Variants in NCEH1 observed in about 807,000 individuals in gnomAD.
NCEH1 encodes 2-acetyl MAGE hydrolase.
NCEH1 carries 9 observed loss-of-function variants against 25.4 expected under a neutral mutation model. The observed-to-expected ratio is 0.35, with a 90% CI of 0.21 to 0.62. NCEH1 has a LOEUF of 0.62. Ranked by LOEUF, NCEH1 falls within the 20% of genes least tolerant of loss-of-function variation. The pLI is 0.72. For synonymous variants in NCEH1, 200 were observed against 199.8 expected (o/e 1.00, Z -0.01); for missense variants, 412 against 501.1 (o/e 0.82, Z 1.70).
intron 1 of NCEH1, among the ~76,000 whole-genome samples, chr3:172,668,215 C>T (rs1718311238): frequency 6.6e-6 from 1 of 151,972 alleles, no homozygotes; most frequent in Non-Finnish European, 1.5e-5. Flanking sequence ...TATAATACAC[C>T]AAAAGGGAAG....
At chr3:172,698,884 A>T (rs1023999788) in intron 1 of NCEH1, among the ~76,000 whole-genome samples, 3 of 152,248 alleles carry the variant, frequency 2.0e-5, no homozygotes, top group Admixed American at 2.0e-4. Context: ...ACGCGGTAAC[A>T]CAGTGATAAT....
chr3:172,663,504 C>T (rs1241716793), intron 1 of NCEH1, among the ~76,000 whole-genome samples: 1 of 152,034 alleles, frequency 6.6e-6, no homozygotes, highest in East Asian at 1.9e-4. Flanking sequence ...GAGTTCAAGT[C>T]CTGGATATTT....
intron 1 of NCEH1, among the ~76,000 whole-genome samples, chr3:172,681,910 A>C (rs1712402127): frequency 1.4e-5 from 1 of 71,960 alleles, no homozygotes; most frequent in Non-Finnish European, 3.1e-5. Context: ...GACTGTCTCA[A>C]AAAAAAAAAA....
intron 3 of NCEH1, among the ~76,000 whole-genome samples, chr3:172,644,215 C>G (rs1437202518): frequency 2.7e-5 from 4 of 149,558 alleles, no homozygotes; most frequent in African/African-American, 9.8e-5. Flanking sequence ...GACTCTAGGG[C>G]TTTTGAGTGA....
chr3:172,639,721 C>T (rs1318383991), intron 3 of NCEH1, among the ~76,000 whole-genome samples: 1 of 152,140 alleles, frequency 6.6e-6, no homozygotes, highest in Non-Finnish European at 1.5e-5. Context: ...AAGTGGATTA[C>T]CTAGCTTTAT....
intron 1 of NCEH1, among the ~76,000 whole-genome samples, chr3:172,659,187 T>C (rs1475235684): frequency 2.0e-5 from 3 of 152,050 alleles, no homozygotes; most frequent in African/African-American, 7.2e-5. Context: ...TTATAGAAGT[T>C]ATAGAGAAAG....
At chr3:172,640,162 G>C (rs1023706253) in intron 3 of NCEH1, among the ~76,000 whole-genome samples, 1 of 152,268 alleles carries the variant, frequency 6.6e-6, no homozygotes, top group South Asian at 2.1e-4. Flanking sequence ...AGATACATGC[G>C]GCATTCTGGA....
intron 1 of NCEH1, among the ~76,000 whole-genome samples, chr3:172,668,335 T>C (rs1718317744): frequency 7.3e-6 from 1 of 137,586 alleles, no homozygotes. Flanking sequence ...AGGAAACAAA[T>C]GGAAAAGGAA....
At position 172,699,192 on chromosome 3, in the gene NCEH1, C is replaced by T. The variant is rs143276973; in HGVS notation, c.138+11655G>A. Among the ~76,000 whole-genome samples the T allele has an allele frequency of 5.5e-3, 840 of 152,048 alleles. 7 individuals are homozygous for T. The highest frequency in any genetic ancestry group is 0.01 in the Middle Eastern group (3 of 294). On this transcript the variant is annotated intron_variant, in intron 1 of 4. Transcript: ENST00000475381. Reference sequence around the variant, plus strand: ...AGATGATTTCTGAGTTGGTATTGAACGATGCGTGGGATATTGCCCAAAGTA... The same window carrying T: ...AGATGATTTCTGAGTTGGTATTGAATGATGCGTGGGATATTGCCCAAAGTA...
intron 1 of NCEH1, among the ~76,000 whole-genome samples, chr3:172,675,343 G>A (rs1482651090): frequency 7.9e-6 from 1 of 126,542 alleles, no homozygotes; most frequent in African/African-American, 3.7e-5. Context: ...ATAAATAAAT[G>A]ATTTTGTGAG....
At chr3:172,677,533 T>C (rs2108517624) in intron 1 of NCEH1, among the ~76,000 whole-genome samples, 2 of 152,132 alleles carry the variant, frequency 1.3e-5, no homozygotes, top group Middle Eastern at 6.8e-3. Context: ...CACAAGGACT[T>C]GTGATAGGAA....
chr3:172,690,106 T>C (rs988342299), intron 1 of NCEH1, among the ~76,000 whole-genome samples: 1 of 152,024 alleles, frequency 6.6e-6, no homozygotes, highest in African/African-American at 2.4e-5. Context: ...GGTTTCACCA[T>C]GTTAGCCAGG....
intron 1 of NCEH1, among the ~76,000 whole-genome samples, chr3:172,694,462 C>A (rs1713250638): frequency 1.3e-5 from 2 of 151,918 alleles, no homozygotes; most frequent in African/African-American, 2.4e-5. Flanking sequence ...CCATCGGTAA[C>A]CTCCACCTTG....
Position 172,649,132 on chromosome 3 carries a change from C to T in NCEH1, c.139-1018G>A, listed in dbSNP as rs376130561. On this transcript the variant is annotated intron_variant, in intron 1 of 4. Transcript: ENST00000475381. ...ACGACGGTACACCTTGAAGAGGGTC[C>T]GTGTGTGCTCATCGCCTCAGCCTCT... 1.3e-3 allele frequency among the ~76,000 whole-genome samples: 193 copies of T among 152,224 alleles called. 4 individuals carry two copies. In the South Asian group the frequency reaches 0.038, roughly 30 times the overall value.
chr3:172,648,023 G>A lies in NCEH1; in HGVS notation c.230C>T (p.Ser77Phe). The A allele has an allele frequency of 6.2e-7, 1 of 1,614,158 alleles. No individual in the cohort carries two copies. The highest frequency in any genetic ancestry group is 8.5e-7 in the Non-Finnish European group (1 of 1,180,036). ...VSFGKKSAWS[S>F]AQVKVTDTDF... ...TGTGTCGGTCACCTTCACTTGGGCA[G>A]AAGACCACGCGCTTTTTTTGCCAAA... The change falls in exon 2 of 5, where the codon TCT (serine) becomes TTT (phenylalanine). Residue 77 changes from serine (S) to phenylalanine (F), a missense_variant. Physicochemically the swap from Ser to Phe is radical, Grantham distance 155. Around this residue, in one of 3 missense-constraint regions of NCEH1, gnomAD observed 178 missense variants for 189.2 expected, o/e 0.94. Transcript: ENST00000475381.
chr3:172,676,257 A>C (rs1007468769), intron 1 of NCEH1, among the ~76,000 whole-genome samples: 1 of 152,116 alleles, frequency 6.6e-6, no homozygotes, highest in Non-Finnish European at 1.5e-5. Flanking sequence ...TTTCTTTTCT[A>C]ACAGAAAAAC....
chr3:172,693,563 A>C (rs965519468), intron 1 of NCEH1, among the ~76,000 whole-genome samples: 1 of 152,182 alleles, frequency 6.6e-6, no homozygotes, highest in Non-Finnish European at 1.5e-5. Context: ...AAAGCACTTA[A>C]ATTCTATTAT....
chr3:172,669,787 T>C (rs374900282), intron 1 of NCEH1, among the ~76,000 whole-genome samples: 1 of 152,248 alleles, frequency 6.6e-6, no homozygotes, highest in South Asian at 2.1e-4. Context: ...TCCACCTGCC[T>C]TGGCCTCCCA....
chr3:172,647,815 C>G, intron 2 of NCEH1, 71 bp downstream of exon 2: 1 of 1,583,744 alleles, frequency 6.3e-7, no homozygotes, highest in East Asian at 2.3e-5. Context: ...ACTAAGAAAG[C>G]CAAACTCAGT....
Sources: allele counts gnomAD v4.1 joint callset (sites outside exome capture counted in the v4.1 genomes callset), GRCh38; gene constraint gnomAD v4.1.1; regional missense constraint gnomAD v4.1.1; transcripts MANE v1.5; gene names NCBI Gene and HGNC (gene_info 2026-07-23, HGNC 2026-07-21).